The following PALLD variants were observed in gnomAD, a reference collection of about 807,000 sequenced individuals.
PALLD encodes palladin.
PALLD carries 61 observed loss-of-function variants against 123.5 expected under a neutral mutation model. That is an observed-to-expected ratio of 0.49 (90% CI 0.40 to 0.61). PALLD has a LOEUF of 0.61. Among genes scored for constraint, PALLD ranks in the 20% least tolerant of loss-of-function variants. PALLD has a pLI of 0.00. For synonymous variants in PALLD, 465 were observed against 496.4 expected, an observed-to-expected ratio of 0.94 and a Z score of 0.84; for missense variants, 1,273 against 1,377.0, an observed-to-expected ratio of 0.92 and a Z score of 1.20.
At chr4:168,559,925 A>C (rs1025619400) in intron 2 of PALLD, among the ~76,000 whole-genome samples, 3 of 151,980 alleles carry the variant, frequency 2.0e-5, no homozygotes, top group Non-Finnish European at 4.4e-5. Context: ...AGAGAAAGAG[A>C]GAGAGAGAGA....
At chr4:168,526,435 A>T (rs576845618) in intron 2 of PALLD, among the ~76,000 whole-genome samples, 47 of 152,208 alleles carry the variant, frequency 3.1e-4, no homozygotes, top group African/African-American at 1.1e-3. Context: ...TATTGAAGCA[A>T]ATTATGATCC....
In PALLD at chr4:168,921,850, T is replaced by C. The variant is rs1183883028; in HGVS notation, c.3058+109T>C. On this transcript the variant is annotated intron_variant, in intron 18 of 21. Transcript: ENST00000505667. ...TACGGAAAATAAAGTATTGAAAAAA[T>C]AGATTGTATCATCAAAATAGCCAAT... 4 of 893,110 alleles carry C rather than the reference T, an allele frequency of 4.5e-6. No homozygotes were observed. In the Admixed American group the frequency reaches 5.9e-5, roughly 13 times the overall value. The allele number at this position is 893,110 out of a possible 1,614,324, so 55.3% of individuals were successfully genotyped here. A position where few individuals can be genotyped will look rare whatever the true frequency, so the allele number is the denominator to read the frequency against.
intron 15 of PALLD, among the ~76,000 whole-genome samples, chr4:168,909,289 T>TA (rs1424441546): frequency 6.6e-6 from 1 of 152,204 alleles, no homozygotes; most frequent in Non-Finnish European, 1.5e-5. Context: ...GCATTATGTA[T>TA]ACAAGTGGCA....
chr4:168,610,184 G>A (rs9942277), intron 2 of PALLD, among the ~76,000 whole-genome samples: 6,052 of 151,950 alleles, frequency 0.04, 384 homozygotes, highest in African/African-American at 0.13. Flanking sequence ...GTTGCATCTC[G>A]GATAGCTTTC....
Position 168,916,472 on chromosome 4 carries a change from T to C in PALLD, c.2850+445T>C, listed in dbSNP as rs1320643340. On this transcript the variant is annotated intron_variant, in intron 17 of 21. Coordinates refer to ENST00000505667, the MANE Select transcript of PALLD (RefSeq NM_001166108.2). ...GTGAAATACGTCGGATATTTATATA[T>C]TGTTTACTATGATTCTTTAAATCTA... Among the ~76,000 whole-genome samples, 3 of 110,962 alleles carry C rather than the reference T, an allele frequency of 2.7e-5. No individual in the cohort carries two copies. In the East Asian group the frequency reaches 1.1e-3, roughly 42 times the overall value. 72.8% of individuals were successfully genotyped at this position (110,962 alleles called of 152,430 possible).
At position 168,903,843 on chromosome 4, in the gene PALLD, C is replaced by G; in HGVS notation, c.2559C>G (p.Leu853=). ...GAGATCTCGATGGGACCTGCTCCCT[C>G]CATACCACAGCCTCCACCCTAGATG... ...IQRDLDGTCS[L]HTTASTLDDD... is the part of the protein sequence containing the mutation. The change falls in exon 15 of 22, where the codon CTC becomes CTG. Residue 853 remains leucine, a synonymous_variant. Transcript: ENST00000505667. 2.5e-6 allele frequency: 4 copies of G among 1,613,492 alleles called. No homozygotes were observed. Among genetic ancestry groups the G allele is most frequent in the Non-Finnish European group, 3.4e-6 (4 of 1,179,462 alleles).
intron 10 of PALLD, among the ~76,000 whole-genome samples, chr4:168,759,236 T>C (rs1231773515): frequency 1.8e-5 from 2 of 109,452 alleles, no homozygotes; most frequent in Non-Finnish European, 3.5e-5. Context: ...TATATATATA[T>C]ATATATATAG....
chr4:168,679,217 GGTGT>G (rs1212755210), intron 3 of PALLD, among the ~76,000 whole-genome samples: 2 of 112,218 alleles, frequency 1.8e-5, no homozygotes, highest in African/African-American at 6.9e-5. Flanking sequence ...ATGTGTGTGG[GGTGT>G]GTGTGTGTGG....
At chr4:168,636,930 A>G (rs1367927175) in intron 2 of PALLD, among the ~76,000 whole-genome samples, 2 of 152,156 alleles carry the variant, frequency 1.3e-5, no homozygotes, top group Non-Finnish European at 2.9e-5. Context: ...CCTGAGATCA[A>G]TATCTGAAGT....
intron 2 of PALLD, among the ~76,000 whole-genome samples, chr4:168,577,950 G>A (rs2149637141): frequency 6.6e-6 from 1 of 151,914 alleles, no homozygotes; most frequent in East Asian, 1.9e-4. Context: ...GCGGGGCGGG[G>A]GGAACGTTGT....
chr4:168,889,466 C>A (rs1753854796), intron 10 of PALLD, among the ~76,000 whole-genome samples: 1 of 151,864 alleles, frequency 6.6e-6, no homozygotes, highest in Admixed American at 6.6e-5. Flanking sequence ...ACCCGGCCTG[C>A]AGTCAACTTT....
intron 2 of PALLD, among the ~76,000 whole-genome samples, chr4:168,540,979 G>T (rs1051619992): frequency 1.3e-5 from 2 of 152,154 alleles, no homozygotes; most frequent in Non-Finnish European, 2.9e-5. Flanking sequence ...ACTCTAAATT[G>T]TTGACCTATC....
At chr4:168,825,721 G>A (rs1293897814) in intron 10 of PALLD, among the ~76,000 whole-genome samples, 5 of 147,054 alleles carry the variant, frequency 3.4e-5, no homozygotes, top group Non-Finnish European at 7.7e-5. Flanking sequence ...CTCCATTGCT[G>A]AGAGAGTTTT....
intron 10 of PALLD, among the ~76,000 whole-genome samples, chr4:168,724,658 G>A (rs533553131): frequency 1.3e-5 from 2 of 151,998 alleles, no homozygotes; most frequent in South Asian, 2.1e-4. Flanking sequence ...TAAGTTGGCT[G>A]GATAAATCAC....
chr4:168,891,049 G>A lies in PALLD; in HGVS notation c.2092G>A (p.Gly698Ser), dbSNP rs143417961. 1.2e-6 allele frequency: 2 copies of A among 1,614,108 alleles called. No individual in the cohort carries two copies. Among genetic ancestry groups the A allele is most frequent in the Middle Eastern group, 1.6e-4 (1 of 6,062 alleles). Residue 698 changes from glycine to serine, a missense_variant, in exon 11 of 22, where the codon GGC becomes AGC. This residue lies in a region of PALLD where 944 missense variants were observed against 954.5 expected (regional missense o/e 0.99). Transcript: ENST00000505667. ...CTTCAAGGAGGACCTCCTGAACAAT[G>A]GCCAGCCGGTACTGATAGATTTGGG... is the stretch of plus-strand genomic sequence containing the variant. Reference protein sequence around the residue: ...LRFKEDLLNNGQPRLTYEERM... With the variant: ...LRFKEDLLNNSQPRLTYEERM...
At chr4:168,896,734 T>G in intron 13 of PALLD, 135 bp downstream of exon 13, 1 of 615,530 alleles carries the variant, frequency 1.6e-6, no homozygotes, top group Non-Finnish European at 2.8e-6. Flanking sequence ...TCTGTTTCAT[T>G]TAATATCAGA....
intron 2 of PALLD, among the ~76,000 whole-genome samples, chr4:168,575,812 T>C (rs1275410581): frequency 6.6e-6 from 1 of 152,120 alleles, no homozygotes; most frequent in Admixed American, 6.6e-5. Flanking sequence ...CCACTGCTAT[T>C]GGCCTGGGGA....
chr4:168,625,502 G>GATAGATAGATATATATATATATATATAT lies in PALLD; in HGVS notation c.909-42685_909-42684insGATAGATATATATATATATATATATATA. Among the ~76,000 whole-genome samples the GATAGATAGATATATATATATATATATAT allele has an allele frequency of 9.1e-4, 104 of 114,462 alleles. 1 individual carries two copies. Among genetic ancestry groups the GATAGATAGATATATATATATATATATAT allele is most frequent in the African/African-American group, 2.9e-3 (86 of 30,024 alleles). 75.1% of individuals were successfully genotyped at this position (114,462 alleles called of 152,430 possible). A position where few individuals can be genotyped will look rare whatever the true frequency, so the allele number is the denominator to read the frequency against. On this transcript the variant is annotated intron_variant, in intron 2 of 21. Transcript: ENST00000505667. ...TCCAATAAGGGATTAATATCCAGGA[G>GATAGATAGATATATATATATATATATAT]ATATATATATATATATCCTATAAGG...
Position 168,898,564 on chromosome 4 carries a change from G to A in PALLD, c.2322G>A (p.Val774=). The A allele has an allele frequency of 2.5e-6, 4 of 1,613,738 alleles. No individual in the cohort carries two copies. The highest frequency in any genetic ancestry group is 3.4e-6 in the Non-Finnish European group (4 of 1,179,620). ...AGTACAGGCTAGAAAGGTCTCCTGT[G>A]GATGAATCAGGTGATGAAGTTCAGT... ...EIEYRLERSP[V]DESGDEVQYG... is the part of the protein sequence containing the mutation. The change falls in exon 14 of 22, where the codon GTG becomes GTA. Residue 774 remains valine, a synonymous_variant. Coordinates refer to ENST00000505667, the MANE Select transcript of PALLD (RefSeq NM_001166108.2).
Sources: gnomAD v4.1 joint callset for allele counts (sites outside exome capture counted in the v4.1 genomes callset) on GRCh38, gnomAD v4.1.1 for gene constraint, gnomAD v4.1.1 regional missense constraint, MANE v1.5 for transcripts, NCBI Gene and HGNC (gene_info 2026-07-23, HGNC 2026-07-21) for gene names.